The following NPAS3 variants were observed in gnomAD, a reference collection of about 807,000 sequenced individuals.
The protein encoded by NPAS3 is neuronal PAS domain protein 3.
NPAS3 carries 14 observed loss-of-function variants against 73.1 expected under a neutral mutation model. The ratio of observed to expected loss-of-function variants is 0.19; its 90% confidence interval spans 0.13 to 0.30. The LOEUF (loss-of-function observed/expected upper bound fraction) is 0.30, where lower values mean the gene tolerates loss of function less well. Ranked by LOEUF, NPAS3 falls within the 10% of genes least tolerant of loss-of-function variation. The probability of loss-of-function intolerance (pLI) is 1.00; values close to 1 mark genes in which losing one functional copy is unlikely to be tolerated. For synonymous variants in NPAS3, 620 were observed against 541.5 expected (o/e 1.14, Z -2.01); for missense variants, 1,096 against 1,250.0 (o/e 0.88, Z 1.86).
chr14:33,335,399 T>G (rs1287155583), intron 3 of NPAS3, among the ~76,000 whole-genome samples: 1 of 152,150 alleles, frequency 6.6e-6, no homozygotes, highest in Non-Finnish European at 1.5e-5. Flanking sequence ...GTTTGGGGGA[T>G]TCTCCCTGCT....
intron 4 of NPAS3, among the ~76,000 whole-genome samples, chr14:33,463,211 A>G (rs1316360204): frequency 2.6e-5 from 4 of 152,194 alleles, no homozygotes; most frequent in Non-Finnish European, 5.9e-5. Flanking sequence ...TCCAAAAATA[A>G]GAGCCAAAGC....
chr14:33,543,316 T>C (rs140265905), intron 4 of NPAS3, among the ~76,000 whole-genome samples: 19 of 152,344 alleles, frequency 1.2e-4, no homozygotes, highest in African/African-American at 4.3e-4. Context: ...ATTATACTGC[T>C]AGTATGTTTA....
At chr14:33,314,479 A>G (rs1395479127) in intron 3 of NPAS3, among the ~76,000 whole-genome samples, 4 of 152,194 alleles carry the variant, frequency 2.6e-5, no homozygotes, top group Middle Eastern at 3.4e-3. Context: ...TAGAGATAAC[A>G]TATATGAAGG....
intron 4 of NPAS3, among the ~76,000 whole-genome samples, chr14:33,526,835 G>T (rs1052327593): frequency 4.6e-5 from 7 of 152,008 alleles, no homozygotes; most frequent in Non-Finnish European, 1.0e-4. Flanking sequence ...CAGTAGGAGG[G>T]TTGCCCAGCC....
intron 7 of NPAS3, among the ~76,000 whole-genome samples, chr14:33,747,234 G>T (rs575980700): frequency 0.016 from 2,482 of 151,964 alleles, 33 homozygotes; most frequent in Middle Eastern, 0.044. Context: ...GTGGCACATA[G>T]ACACCACGGA....
At chr14:33,318,008 T>A (rs1299189435) in intron 3 of NPAS3, among the ~76,000 whole-genome samples, 2 of 152,006 alleles carry the variant, frequency 1.3e-5, no homozygotes, top group African/African-American at 4.8e-5. Flanking sequence ...GCCAAAAGAA[T>A]CAAAAGCAGG....
rs576393466 is a variant in NPAS3 at position 33,800,959 on chromosome 14, G to C, written c.2652G>C (p.Pro884=). 2.5e-6 allele frequency: 4 copies of C among 1,600,114 alleles called. No individual in the cohort carries two copies. Among genetic ancestry groups the C allele is most frequent in the Admixed American group, 1.7e-5 (1 of 58,790 alleles). The change falls in exon 12 of 12, where the codon CCG becomes CCC. Residue 884 remains proline (P), a synonymous_variant. Coordinates refer to ENST00000356141, the Ensembl canonical transcript of NPAS3. This position sits in a 1 kb window ranked among gnomAD's most constrained non-coding sequence, Gnocchi z 6.5. ...TGCACCGGCTCAACATGTCAGGACCGTTCGGCGGCGCAGTGAGCGCAGCTA... is the reference window on the plus strand; with the variant it reads ...TGCACCGGCTCAACATGTCAGGACCCTTCGGCGGCGCAGTGAGCGCAGCTA...
At chr14:33,166,082 G>C (rs527534268) in intron 2 of NPAS3, among the ~76,000 whole-genome samples, 2 of 152,300 alleles carry the variant, frequency 1.3e-5, no homozygotes, top group Non-Finnish European at 2.9e-5. Flanking sequence ...ACTACTGTCG[G>C]TGCTGTGCTG....
chr14:33,105,556 A>G (rs2042698174), intron 2 of NPAS3, among the ~76,000 whole-genome samples: 1 of 152,142 alleles, frequency 6.6e-6, no homozygotes, highest in African/African-American at 2.4e-5. Flanking sequence ...AAATCTTTAA[A>G]TTAGATTACA....
chr14:33,560,996 A>G (rs759190642), intron 5 of NPAS3, among the ~76,000 whole-genome samples: 72 of 152,088 alleles, frequency 4.7e-4, no homozygotes, highest in Admixed American at 9.2e-4. Flanking sequence ...ACATCTGGGT[A>G]TTTGCGCCCA....
chr14:33,284,064 A>T (rs1245436545), intron 3 of NPAS3, among the ~76,000 whole-genome samples: 1 of 152,146 alleles, frequency 6.6e-6, no homozygotes, highest in Admixed American at 6.5e-5. Context: ...CAATTATTGT[A>T]TCATGCTATA....
chr14:32,969,526 C>T (rs1421778289), intron 1 of NPAS3, among the ~76,000 whole-genome samples: 1 of 152,088 alleles, frequency 6.6e-6, no homozygotes, highest in African/African-American at 2.4e-5. Flanking sequence ...AAGGTCTGGA[C>T]CAAATCCTCT....
intron 9 of NPAS3, among the ~76,000 whole-genome samples, chr14:33,784,507 G>A (rs952345220): frequency 6.6e-6 from 1 of 152,068 alleles, no homozygotes; most frequent in African/African-American, 2.4e-5. Flanking sequence ...CTTTGAAAGA[G>A]GATGGCAAGA....
intron 3 of NPAS3, among the ~76,000 whole-genome samples, chr14:33,281,313 T>G (rs1233653931): frequency 6.6e-6 from 1 of 152,230 alleles, no homozygotes; most frequent in Non-Finnish European, 1.5e-5. Context: ...TTGTGGCAGA[T>G]GATTTAGAAA....
chr14:33,633,262 G>C (rs147127022), intron 5 of NPAS3, among the ~76,000 whole-genome samples: 1 of 152,106 alleles, frequency 6.6e-6, no homozygotes, highest in Non-Finnish European at 1.5e-5. Context: ...AGGGATGGCT[G>C]TATGTAATTG....
chr14:33,121,907 G>A (rs1185777111), intron 2 of NPAS3, among the ~76,000 whole-genome samples: 1 of 152,120 alleles, frequency 6.6e-6, no homozygotes, highest in Non-Finnish European at 1.5e-5. Flanking sequence ...CAGAGGATCT[G>A]ATACTCAGAT....
At chr14:33,331,629 G>A (rs2043991642) in intron 3 of NPAS3, among the ~76,000 whole-genome samples, 1 of 150,538 alleles carries the variant, frequency 6.6e-6, no homozygotes, top group African/African-American at 2.4e-5. Flanking sequence ...TTAATTCGCT[G>A]CTTCAGATAT....
chr14:33,624,550 A>G (rs2140108396), intron 5 of NPAS3, among the ~76,000 whole-genome samples: 2 of 151,550 alleles, frequency 1.3e-5, no homozygotes, highest in Middle Eastern at 6.9e-3. Flanking sequence ...CCCCCAAAGC[A>G]CTTGGGAAGA....
intron 7 of NPAS3, among the ~76,000 whole-genome samples, chr14:33,771,133 A>T (rs1041401412): frequency 4.6e-5 from 7 of 152,232 alleles, no homozygotes; most frequent in African/African-American, 1.7e-4. Flanking sequence ...AAATTCAGCG[A>T]TCTACATGTT....
Sources: gnomAD v4.1 joint callset for allele counts (sites outside exome capture counted in the v4.1 genomes callset) on GRCh38, gnomAD v4.1.1 for gene constraint, Gnocchi (gnomAD v3.1) non-coding constraint, MANE v1.5 for transcripts, NCBI Gene and HGNC (gene_info 2026-07-23, HGNC 2026-07-21) for gene names.